Variants in CAMK2B observed in about 807,000 individuals in gnomAD.
CAMK2B encodes calcium/calmodulin-dependent protein kinase type II subunit beta.
A neutral mutation model predicts 93.7 loss-of-function variants in CAMK2B; 27 were observed. That is an observed-to-expected ratio of 0.29 (90% CI 0.21 to 0.40). CAMK2B has a LOEUF of 0.40. Ranked by LOEUF, CAMK2B falls within the 10% of genes least tolerant of loss-of-function variation. The probability of loss-of-function intolerance (pLI) is 1.00; values close to 1 mark genes in which losing one functional copy is unlikely to be tolerated. For missense variants in CAMK2B, 568 were observed against 895.8 expected, an observed-to-expected ratio of 0.63 and a Z score of 4.67; for synonymous variants, 374 against 358.8, an observed-to-expected ratio of 1.04 and a Z score of -0.48.
chr7:44,284,857 C>T lies in CAMK2B; in HGVS notation c.66-632G>A, dbSNP rs374359533. ...AGAGCCTCCACTGTCCAGGTGTCAA[C>T]GCAGAGGCCATGGAGGCCCAGAGTA... On this transcript the variant is annotated intron_variant, in intron 1 of 23. Coordinates refer to ENST00000395749, the MANE Select transcript of CAMK2B (RefSeq NM_001220.5). Among the ~76,000 whole-genome samples, 15 of 152,176 alleles carry T rather than the reference C, an allele frequency of 9.9e-5. No individual in the cohort carries two copies. The East Asian group carries it at 1.4e-3, about 14-fold the overall frequency.
intron 5 of CAMK2B, among the ~76,000 whole-genome samples, chr7:44,250,527 CTTTTTTTT>C (rs36056008): frequency 1.7e-5 from 2 of 117,818 alleles, no homozygotes; most frequent in South Asian, 5.8e-4. Context: ...AGTGACATTG[CTTTTTTTT>C]TTTTTTTTTT....
intron 1 of CAMK2B, among the ~76,000 whole-genome samples, chr7:44,316,236 T>C (rs1794803002): frequency 6.6e-6 from 1 of 152,120 alleles, no homozygotes; most frequent in Admixed American, 6.5e-5. Flanking sequence ...CATGAAATGG[T>C]ATTGGTTTTT....
At chr7:44,249,307 C>A (rs1253132156) in intron 5 of CAMK2B, among the ~76,000 whole-genome samples, 1 of 152,156 alleles carries the variant, frequency 6.6e-6, no homozygotes, top group Non-Finnish European at 1.5e-5. Flanking sequence ...AGCCTCCCTG[C>A]AAGACGGGAA....
Position 44,225,468 on chromosome 7 carries a change from C to T in CAMK2B, c.1597+1048G>A, listed in dbSNP as rs1345205710. Reference sequence around the variant, plus strand: ...TATCAGCATCAAGAACCTGGCCTCTCCCCTCAGCTGCTTGCCTCTGATCCC... The same window carrying T: ...TATCAGCATCAAGAACCTGGCCTCTTCCCTCAGCTGCTTGCCTCTGATCCC... On this transcript the variant is annotated intron_variant, in intron 20 of 23. Transcript: ENST00000395749. This position sits in a 1 kb window ranked among gnomAD's most constrained non-coding sequence, Gnocchi z 5.0. Among the ~76,000 whole-genome samples the T allele has an allele frequency of 1.3e-5, 2 of 152,132 alleles. No homozygotes were observed. Among genetic ancestry groups the T allele is most frequent in the Admixed American group, 6.5e-5 (1 of 15,276 alleles).
At chr7:44,246,987 GACAC>G in intron 6 of CAMK2B, 129 bp downstream of exon 6, 2 of 678,586 alleles carry the variant, frequency 2.9e-6, no homozygotes, top group Non-Finnish European at 5.3e-6. Context: ...TGCACACAAG[GACAC>G]ACACACACAT....
At chr7:44,244,195 GCCC>G (rs1215402281) in intron 6 of CAMK2B, among the ~76,000 whole-genome samples, 3 of 152,192 alleles carry the variant, frequency 2.0e-5, no homozygotes, top group Non-Finnish European at 4.4e-5. Context: ...ATGACCCCCT[GCCC>G]GCTGGGTATC....
At chr7:44,219,985 C>A in intron 23 of CAMK2B, 75 bp downstream of exon 23, 1 of 1,279,748 alleles carries the variant, frequency 7.8e-7, no homozygotes. Flanking sequence ...CGCTCCCCAT[C>A]GCCTCCCCAG....
chr7:44,244,838 C>T (rs1311402788), intron 6 of CAMK2B: 11 of 429,956 alleles, frequency 2.6e-5, no homozygotes, highest in Non-Finnish European at 4.2e-5. Context: ...AGGCCGTGTG[C>T]CCCCTTGACA....
intron 1 of CAMK2B, among the ~76,000 whole-genome samples, chr7:44,307,793 T>C (rs770396459): frequency 1.3e-5 from 2 of 152,092 alleles, no homozygotes; most frequent in Non-Finnish European, 2.9e-5. Context: ...TGTTTTCCTG[T>C]TTTTACCCAC....
At position 44,234,548 on chromosome 7, in the gene CAMK2B, AG is replaced by A; in HGVS notation, c.1060-88del. 1.9e-6 allele frequency: 3 copies of A among 1,584,312 alleles called. No individual in the cohort carries two copies. The East Asian group carries it at 6.7e-5, about 36-fold the overall frequency. On this transcript the variant is annotated intron_variant, in intron 14 of 23. Transcript: ENST00000395749. ...CCCGTGTCTCTCAGGGCATGGGGGG[AG>A]GGGGACTCCAGAGCAGGAGCCCCAG...
intron 1 of CAMK2B, among the ~76,000 whole-genome samples, chr7:44,293,060 C>A (rs1032250062): frequency 1.3e-5 from 2 of 152,148 alleles, no homozygotes; most frequent in African/African-American, 4.8e-5. Context: ...GTGGCTGCCC[C>A]CTTTGGTCTC....
At chr7:44,246,743 C>A (rs1394291705) in intron 6 of CAMK2B, among the ~76,000 whole-genome samples, 1 of 152,144 alleles carries the variant, frequency 6.6e-6, no homozygotes, top group African/African-American at 2.4e-5. Context: ...TGCACACACA[C>A]TCACACAATG....
chr7:44,301,551 C>A (rs138654579), intron 1 of CAMK2B, among the ~76,000 whole-genome samples: 4,018 of 152,118 alleles, frequency 0.026, 76 homozygotes, highest in Non-Finnish European at 0.039. Flanking sequence ...CCGAGGTGAG[C>A]GGATCACCTG....
At chr7:44,284,863 G>T (rs991514608) in intron 1 of CAMK2B, among the ~76,000 whole-genome samples, 12 of 152,128 alleles carry the variant, frequency 7.9e-5, no homozygotes, top group African/African-American at 2.9e-4. Flanking sequence ...TCAACGCAGA[G>T]GCCATGGAGG....
At chr7:44,239,517 T>A in intron 13 of CAMK2B, 72 bp downstream of exon 13, 1 of 1,384,960 alleles carries the variant, frequency 7.2e-7, no homozygotes, top group South Asian at 1.2e-5. Flanking sequence ...AGCGGCTGCG[T>A]GCAGCAGGGG....
At chr7:44,292,862 G>T (rs1307059590) in intron 1 of CAMK2B, among the ~76,000 whole-genome samples, 1 of 152,174 alleles carries the variant, frequency 6.6e-6, no homozygotes. Context: ...GAAACACTTG[G>T]CAAGAGCCAG....
chr7:44,286,390 A>G lies in CAMK2B; in HGVS notation c.66-2165T>C, dbSNP rs1388239547. On this transcript the variant is annotated intron_variant, in intron 1 of 23. Transcript: ENST00000395749. The surrounding 1 kb of genome is among the most constrained non-coding windows in gnomAD (Gnocchi z 4.0). ...ACCACACACTGCAGGGTTGACCCTCAGTAGGAAGTTCAACAGACTGCACAT... is the reference window on the plus strand; with the variant it reads ...ACCACACACTGCAGGGTTGACCCTCGGTAGGAAGTTCAACAGACTGCACAT... Among the ~76,000 whole-genome samples, 2 of 152,164 alleles carry G rather than the reference A, an allele frequency of 1.3e-5. No individual in the cohort carries two copies. The highest frequency in any genetic ancestry group is 2.4e-5 in the African/African-American group (1 of 41,424).
intron 1 of CAMK2B, among the ~76,000 whole-genome samples, chr7:44,317,145 T>C (rs1271012131): frequency 6.6e-6 from 1 of 151,938 alleles, no homozygotes; most frequent in Non-Finnish European, 1.5e-5. Flanking sequence ...GCAACCAGAC[T>C]TGCTGAATAA....
At chr7:44,284,584 G>T in intron 1 of CAMK2B, among the ~76,000 whole-genome samples, 1 of 152,252 alleles carries the variant, frequency 6.6e-6, no homozygotes, top group South Asian at 2.1e-4. Flanking sequence ...ATCCTTGTGG[G>T]TCGGCTGGAC....
Sources: allele counts gnomAD v4.1 joint callset (sites outside exome capture counted in the v4.1 genomes callset), GRCh38; gene constraint gnomAD v4.1.1; non-coding constraint Gnocchi (gnomAD v3.1); transcripts MANE v1.5; gene names NCBI Gene and HGNC (gene_info 2026-07-23, HGNC 2026-07-21).